Variants in ULK4 observed in about 807,000 individuals in gnomAD.
The protein encoded by ULK4 is inactive serine/threonine-protein kinase ULK4.
In ULK4, 133 loss-of-function variants were observed where a neutral mutation model predicts 160.6. The ratio of observed to expected loss-of-function variants is 0.83; its 90% CI spans 0.72 to 0.96. ULK4 has a LOEUF of 0.96. Ranked by LOEUF, ULK4 falls within the 40% of genes least tolerant of loss-of-function variation. The pLI, the probability that ULK4 is intolerant of heterozygous loss-of-function variation, is 0.00. For missense variants in ULK4, 1,580 were observed against 1,499.5 expected, an observed-to-expected ratio of 1.05 and a Z score of -0.89; for synonymous variants, 534 against 539.8, an observed-to-expected ratio of 0.99 and a Z score of 0.15.
chr3:41,674,989 C>T (rs921117187), intron 29 of ULK4, among the ~76,000 whole-genome samples: 5 of 152,186 alleles, frequency 3.3e-5, no homozygotes, highest in Admixed American at 3.3e-4. Context: ...CGCCTGTAAT[C>T]TCAGCACTTT....
intron 32 of ULK4, among the ~76,000 whole-genome samples, chr3:41,483,548 T>C (rs2125899127): frequency 6.6e-6 from 1 of 152,238 alleles, no homozygotes; most frequent in South Asian, 2.1e-4. Flanking sequence ...AAAATAATGA[T>C]TATCCTTTCC....
At chr3:41,377,968 C>A (rs2081547390) in intron 35 of ULK4, among the ~76,000 whole-genome samples, 1 of 151,568 alleles carries the variant, frequency 6.6e-6, no homozygotes, top group Non-Finnish European at 1.5e-5. Flanking sequence ...AGACTTGGAA[C>A]CAACCTAAAT....
intron 34 of ULK4, among the ~76,000 whole-genome samples, chr3:41,454,539 CAAAA>C (rs11286615): frequency 2.2e-5 from 2 of 90,946 alleles, no homozygotes; most frequent in Non-Finnish European, 4.6e-5. Flanking sequence ...GACTTCATCT[CAAAA>C]AAAAAAAAAA....
At chr3:41,572,228 C>T (rs2088003293) in intron 31 of ULK4, among the ~76,000 whole-genome samples, 1 of 152,112 alleles carries the variant, frequency 6.6e-6, no homozygotes, top group African/African-American at 2.4e-5. Flanking sequence ...CAGAGGAGGG[C>T]AGAGTGCCAG....
At chr3:41,724,732 CA>C (rs200716345) in intron 22 of ULK4, among the ~76,000 whole-genome samples, 4 of 148,542 alleles carry the variant, frequency 2.7e-5, no homozygotes, top group South Asian at 2.1e-4. Context: ...CAAAACAAAA[CA>C]AAAAAAAAAT....
At chr3:41,774,352 C>T (rs62258612) in intron 21 of ULK4, among the ~76,000 whole-genome samples, 1 of 149,578 alleles carries the variant, frequency 6.7e-6, no homozygotes, top group Non-Finnish European at 1.5e-5. Flanking sequence ...CCAGAATCTA[C>T]AATGAACTCA....
chr3:41,549,069 GA>G (rs2086971360), intron 32 of ULK4, among the ~76,000 whole-genome samples: 1 of 152,108 alleles, frequency 6.6e-6, no homozygotes, highest in South Asian at 2.1e-4. Flanking sequence ...AACCCAATCT[GA>G]AAAATAGGAA....
intron 32 of ULK4, among the ~76,000 whole-genome samples, chr3:41,506,773 T>TATATATATAA (rs2085401244): frequency 2.5e-4 from 5 of 20,110 alleles, no homozygotes; most frequent in Non-Finnish European, 3.3e-4. Context: ...TTAAAATATA[T>TATATATATAA]ATATATATAT....
chr3:41,826,112 C>A (rs901750058), intron 18 of ULK4, among the ~76,000 whole-genome samples: 2 of 152,068 alleles, frequency 1.3e-5, no homozygotes, highest in South Asian at 2.1e-4. Flanking sequence ...CAAATTTTGA[C>A]AGATTTTGAC....
chr3:41,957,986 G>C (rs548366115), intron 1 of ULK4, among the ~76,000 whole-genome samples: 1 of 150,110 alleles, frequency 6.7e-6, no homozygotes, highest in South Asian at 2.1e-4. Context: ...AGAGGTTGCA[G>C]TGAGCCAAGA....
chr3:41,323,852 T>C (rs1415945409), intron 35 of ULK4, among the ~76,000 whole-genome samples: 2 of 152,136 alleles, frequency 1.3e-5, no homozygotes, highest in African/African-American at 4.8e-5. Flanking sequence ...TTAAAAAAAA[T>C]AGAAAAATAA....
At chr3:41,815,747 A>G (rs145506805) in intron 19 of ULK4, among the ~76,000 whole-genome samples, 7 of 152,262 alleles carry the variant, frequency 4.6e-5, no homozygotes, top group Non-Finnish European at 7.4e-5. Context: ...TGGATAAGGG[A>G]TTCTTCACTT....
Position 41,954,752 on chromosome 3 carries a change from T to C in ULK4, c.8A>G (p.Asn3Ser), listed in dbSNP as rs774959114. ME[N>S]FILYEEIGRG... ...TCCGATCTCCTCATACAGAATAAAG[T>C]TTTCCATCTCTGGGCCGACTTCTCA... Residue 3 changes from asparagine to serine, a missense_variant, in exon 2 of 37, where the codon AAC becomes AGC. Coordinates refer to ENST00000301831, the MANE Select transcript of ULK4 (RefSeq NM_017886.4). 6.2e-7 allele frequency: 1 copy of C among 1,611,760 alleles called. No homozygotes were observed. The highest frequency in any genetic ancestry group is 8.5e-7 in the Non-Finnish European group (1 of 1,179,182).
At chr3:41,591,141 C>T (rs1187433356) in intron 31 of ULK4, among the ~76,000 whole-genome samples, 2 of 152,060 alleles carry the variant, frequency 1.3e-5, no homozygotes, top group African/African-American at 4.8e-5. Flanking sequence ...ATAAAAATGA[C>T]AGCAGACTTA....
In ULK4 at chr3:41,481,744, G is replaced by A. The variant is rs555664437; in HGVS notation, c.3227-18491C>T. Among the ~76,000 whole-genome samples the A allele has an allele frequency of 2.2e-3, 319 of 147,648 alleles. 1 individual carries two copies. Among genetic ancestry groups the A allele is most frequent in the Non-Finnish European group, 3.9e-3 (260 of 66,828 alleles). ...TGGGAGGCTGAGGCAGGAGAATGGCGTGAACCCGGGAGGCGGAGCTTGCAG... is the reference window on the plus strand; with the variant it reads ...TGGGAGGCTGAGGCAGGAGAATGGCATGAACCCGGGAGGCGGAGCTTGCAG... On this transcript the variant is annotated intron_variant, in intron 32 of 36. Coordinates refer to ENST00000301831, the MANE Select transcript of ULK4 (RefSeq NM_017886.4).
chr3:41,874,124 A>C (rs1717017), intron 17 of ULK4, among the ~76,000 whole-genome samples: 47,330 of 152,000 alleles, frequency 0.31, 10,754 homozygotes, highest in African/African-American at 0.65. Flanking sequence ...ATTGAAAATG[A>C]AGACTATGGA....
intron 16 of ULK4, among the ~76,000 whole-genome samples, chr3:41,884,862 C>A (rs1697664696): frequency 6.6e-6 from 1 of 152,048 alleles, no homozygotes; most frequent in Non-Finnish European, 1.5e-5. Flanking sequence ...TAAAGAAGTC[C>A]TAGGCAATTG....
intron 35 of ULK4, among the ~76,000 whole-genome samples, chr3:41,321,908 A>G (rs1366343968): frequency 6.9e-6 from 1 of 144,868 alleles, no homozygotes; most frequent in Non-Finnish European, 1.5e-5. Flanking sequence ...GCAGACCTCC[A>G]AAGTATGCCA....
chr3:41,747,171 A>G (rs1417930748), intron 22 of ULK4, among the ~76,000 whole-genome samples: 2 of 151,964 alleles, frequency 1.3e-5, no homozygotes, highest in Non-Finnish European at 2.9e-5. Flanking sequence ...TTAAAATTCA[A>G]CACTTTGGTT....
Sources: allele counts gnomAD v4.1 joint callset (sites outside exome capture counted in the v4.1 genomes callset), GRCh38; gene constraint gnomAD v4.1.1; transcripts MANE v1.5; gene names NCBI Gene and HGNC (gene_info 2026-07-23, HGNC 2026-07-21).